Variants in ARHGEF3 observed in about 807,000 individuals in gnomAD.
ARHGEF3 encodes the protein Rho guanine nucleotide exchange factor 3, also known as 59.8 kDA protein.
A neutral mutation model predicts 63.2 loss-of-function variants in ARHGEF3; 28 were observed. The observed-to-expected ratio is 0.44, with a 90% CI of 0.33 to 0.61. The LOEUF is 0.61. ARHGEF3 is among the 20% of genes least tolerant of loss of function. The probability of loss-of-function intolerance (pLI) is 0.03; values close to 1 mark genes in which losing one functional copy is unlikely to be tolerated. For synonymous variants in ARHGEF3, 266 were observed against 254.2 expected (o/e 1.05, Z -0.44); for missense variants, 533 against 659.3 (o/e 0.81, Z 2.10).
chr3:56,772,968 G>A (rs2036087632), intron 2 of ARHGEF3, among the ~76,000 whole-genome samples: 1 of 152,106 alleles, frequency 6.6e-6, no homozygotes, highest in Admixed American at 6.6e-5. Flanking sequence ...AAGGTGAGCC[G>A]AGGTTAGAAC....
At chr3:57,077,318 C>CAG (rs5849187) in intron 1 of ARHGEF3, among the ~76,000 whole-genome samples, 58,483 of 151,852 alleles carry the variant, frequency 0.39, 11,585 homozygotes, top group Admixed American at 0.51. Context: ...TGAGATGTAA[C>CAG]GGGGCAAGAA....
At chr3:56,966,496 A>G (rs1039511672) in intron 2 of ARHGEF3, among the ~76,000 whole-genome samples, 2 of 152,202 alleles carry the variant, frequency 1.3e-5, no homozygotes, top group African/African-American at 4.8e-5. Flanking sequence ...ATAATAACAT[A>G]TATTAGCTGG....
At position 56,873,980 on chromosome 3, in the gene ARHGEF3, C is replaced by G. The variant is rs111262059; in HGVS notation, c.192+8312G>C. ...ATATCATTCATATCCGAGAGTGTGT[C>G]CTGAAACTCCTTGGAATTTCTTTGT... is the stretch of plus-strand genomic sequence containing the variant. On this transcript the variant is annotated intron_variant, in intron 4 of 12. Transcript: ENST00000338458. 1.4e-3 allele frequency among the ~76,000 whole-genome samples: 217 copies of G among 152,274 alleles called. 1 individual carries two copies. The highest frequency in any genetic ancestry group is 5.2e-3 in the African/African-American group (215 of 41,556).
intron 4 of ARHGEF3, among the ~76,000 whole-genome samples, chr3:56,857,919 T>G (rs2039940522): frequency 6.6e-6 from 1 of 152,140 alleles, no homozygotes; most frequent in Non-Finnish European, 1.5e-5. Flanking sequence ...CTGCATCCAG[T>G]TCTGGCACCA....
At chr3:56,933,226 C>A (rs1051523104) in intron 3 of ARHGEF3, among the ~76,000 whole-genome samples, 2 of 152,234 alleles carry the variant, frequency 1.3e-5, no homozygotes, top group Admixed American at 1.3e-4. Context: ...GCTTTTTGCA[C>A]AACAAATTTT....
At chr3:57,033,777 G>T (rs1024410562) in intron 2 of ARHGEF3, among the ~76,000 whole-genome samples, 1 of 152,008 alleles carries the variant, frequency 6.6e-6, no homozygotes, top group African/African-American at 2.4e-5. Context: ...GGGCGCGGTG[G>T]CTCATGCCTG....
chr3:56,880,476 G>A (rs1035687969), intron 4 of ARHGEF3, among the ~76,000 whole-genome samples: 43 of 61,762 alleles, frequency 7.0e-4, no homozygotes, highest in Admixed American at 1.8e-3. Flanking sequence ...GTGGTTCTTC[G>A]ATAGAAAGCA....
intron 3 of ARHGEF3, among the ~76,000 whole-genome samples, chr3:56,937,590 C>A (rs1329874091): frequency 6.6e-6 from 1 of 152,186 alleles, no homozygotes; most frequent in Non-Finnish European, 1.5e-5. Context: ...GAAGACAACA[C>A]ATGAAGGCAG....
chr3:56,854,816 A>G (rs540121850), intron 4 of ARHGEF3, among the ~76,000 whole-genome samples: 28 of 152,188 alleles, frequency 1.8e-4, no homozygotes, highest in African/African-American at 6.5e-4. Flanking sequence ...AGTTTAGGGG[A>G]GAACTTCAAA....
chr3:56,929,906 T>TA (rs1284472691), intron 3 of ARHGEF3, among the ~76,000 whole-genome samples: 1 of 152,134 alleles, frequency 6.6e-6, no homozygotes, highest in African/African-American at 2.4e-5. Context: ...CTCTGAGGTA[T>TA]AAAAAACCTG....
At chr3:56,734,190 A>G (rs2033439580) in intron 8 of ARHGEF3, among the ~76,000 whole-genome samples, 1 of 152,132 alleles carries the variant, frequency 6.6e-6, no homozygotes, top group South Asian at 2.1e-4. Context: ...GCTCCATTCA[A>G]TGCTAAGTGC....
At chr3:56,929,206 C>G (rs2042349790) in intron 3 of ARHGEF3, among the ~76,000 whole-genome samples, 1 of 152,156 alleles carries the variant, frequency 6.6e-6, no homozygotes, top group Non-Finnish European at 1.5e-5. Context: ...TGACTGTGGC[C>G]TCTTCTACTC....
At chr3:56,840,633 A>T (rs1046948464) in intron 4 of ARHGEF3, among the ~76,000 whole-genome samples, 3 of 152,318 alleles carry the variant, frequency 2.0e-5, no homozygotes, top group African/African-American at 7.2e-5. Flanking sequence ...ATGGAAGCTC[A>T]TCTCTGCCCT....
At chr3:56,987,424 A>G (rs906659620) in intron 2 of ARHGEF3, among the ~76,000 whole-genome samples, 2 of 152,212 alleles carry the variant, frequency 1.3e-5, no homozygotes, top group African/African-American at 4.8e-5. Context: ...GCTCTGGGCA[A>G]TGCAACGGCT....
At chr3:56,929,569 T>TG (rs2042358768) in intron 3 of ARHGEF3, among the ~76,000 whole-genome samples, 1 of 152,160 alleles carries the variant, frequency 6.6e-6, no homozygotes. Flanking sequence ...CGGGTTCTGT[T>TG]GCCACTAATG....
rs144600773 is a variant in ARHGEF3 at position 56,855,543 on chromosome 3, C to T, written c.192+26749G>A. On this transcript the variant is annotated intron_variant, in intron 4 of 12. Coordinates refer to the ARHGEF3 transcript ENST00000338458. ...ACTAAAAATACAAAAATTAGCTGGG[C>T]GTGGTGGCATGTGCCTGTAATCCCA... 4.1e-3 allele frequency among the ~76,000 whole-genome samples: 628 copies of T among 152,042 alleles called. 1 individual carries two copies. Among genetic ancestry groups the T allele is most frequent in the African/African-American group, 0.014 (588 of 41,448 alleles).
chr3:56,931,905 T>C (rs1321840962), intron 3 of ARHGEF3, among the ~76,000 whole-genome samples: 2 of 152,202 alleles, frequency 1.3e-5, no homozygotes, highest in African/African-American at 4.8e-5. Flanking sequence ...TCCATTCTTA[T>C]CAAGGTGCTT....
intron 3 of ARHGEF3, among the ~76,000 whole-genome samples, chr3:56,931,431 C>A (rs1016160782): frequency 6.6e-6 from 1 of 151,800 alleles, no homozygotes; most frequent in African/African-American, 2.4e-5. Flanking sequence ...CAAAGATTAG[C>A]CAGGCATGGT....
chr3:56,823,099 A>T (rs961967697), intron 4 of ARHGEF3, among the ~76,000 whole-genome samples: 7 of 152,290 alleles, frequency 4.6e-5, no homozygotes, highest in Middle Eastern at 3.4e-3. Flanking sequence ...TTTCCTCCCC[A>T]TGTATCTTTC....
Sources: gnomAD v4.1 joint callset for allele counts (sites outside exome capture counted in the v4.1 genomes callset) on GRCh38, gnomAD v4.1.1 for gene constraint, MANE v1.5 for transcripts, NCBI Gene and HGNC (gene_info 2026-07-23, HGNC 2026-07-21) for gene names.